Variants in TMC7 observed in about 807,000 individuals in gnomAD.
TMC7 encodes transmembrane channel like 7.
A neutral mutation model predicts 82.9 loss-of-function variants in TMC7; 54 were observed. That is an observed-to-expected ratio of 0.65 (90% CI 0.52 to 0.82). The LOEUF (loss-of-function observed/expected upper bound fraction) is 0.82. Among genes scored for constraint, TMC7 ranks in the 40% least tolerant of loss-of-function variants. The pLI, the probability that TMC7 is intolerant of heterozygous loss-of-function variation, is 0.00. For missense variants in TMC7, 820 were observed against 901.2 expected (o/e 0.91, Z 1.15); for synonymous variants, 350 against 337.9 (o/e 1.04, Z -0.39).
At chr16:19,033,405 G>C (rs187961208) in intron 6 of TMC7, 3 of 152,280 alleles carry the variant, frequency 2.0e-5, no homozygotes, top group African/African-American at 7.2e-5. Context: ...TTCTGGGTCA[G>C]GCCCGGTGGC....
At position 19,016,458 on chromosome 16, in the gene TMC7, A is replaced by C. The variant is rs752176889; in HGVS notation, c.320A>C (p.Gln107Pro). 3 of 1,614,002 alleles carry C rather than the reference A, an allele frequency of 1.9e-6. No homozygotes were observed. Among genetic ancestry groups the C allele is most frequent in the Admixed American group, 1.7e-5 (1 of 59,984 alleles). Residue 107 changes from glutamine to proline, a missense_variant, in exon 3 of 16, where the codon CAA becomes CCA. By Grantham distance (76) the Gln-to-Pro change is moderately conservative. Transcript: ENST00000304381. ...TCATGTTTTCCATGCAGGGACATTC[A>C]AGAGACACAAATGAAGTATCTCTCC... ...ISEKRRLRDI[Q>P]ETQMKYLSEW...
At chr16:19,008,268 C>T (rs1446190864) in intron 1 of TMC7, among the ~76,000 whole-genome samples, 1 of 152,210 alleles carries the variant, frequency 6.6e-6, no homozygotes, top group East Asian at 1.9e-4. Flanking sequence ...CCTGCCTTAG[C>T]CTGCTGCCCA....
chr16:19,001,793 C>T (rs1288128166), intron 1 of TMC7, among the ~76,000 whole-genome samples: 2 of 152,184 alleles, frequency 1.3e-5, no homozygotes, highest in Admixed American at 1.3e-4. Context: ...CTCATCAAAG[C>T]ACAGAGCAAG....
intron 13 of TMC7, among the ~76,000 whole-genome samples, chr16:19,053,376 C>G (rs1468306295): frequency 1.3e-5 from 2 of 150,512 alleles, no homozygotes; most frequent in East Asian, 3.9e-4. Context: ...ACATACTAAA[C>G]TCTTCTTTCA....
chr16:19,010,153 C>CCTCCCCTCCT (rs1263983560), intron 2 of TMC7, among the ~76,000 whole-genome samples: 1 of 140,242 alleles, frequency 7.1e-6, no homozygotes, highest in Non-Finnish European at 1.6e-5. Context: ...CCTCCCCTCC[C>CCTCCCCTCCT]CTCCTCTCCT....
In TMC7 at chr16:19,047,064, C is replaced by T. The variant is rs896797449; in HGVS notation, c.1555C>T (p.Leu519Phe). Residue 519 changes from leucine to phenylalanine, a missense_variant and splice_region_variant, in exon 12 of 16, where the codon CTC (leucine) becomes TTC (phenylalanine). Transcript: ENST00000304381. ...CAAATGAGAATTGTCTGTTTCCAGG[C>T]TCCTGGTGACCTACTGTTCCTCTTG... ...VTLFVDFPRKLLVTYCSSCKL... is the reference protein window; with the variant it reads ...VTLFVDFPRKFLVTYCSSCKL... 1.2e-6 allele frequency: 2 copies of T among 1,602,184 alleles called. No homozygotes were observed. The highest frequency in any genetic ancestry group is 2.7e-5 in the African/African-American group (2 of 74,426).
intron 1 of TMC7, among the ~76,000 whole-genome samples, chr16:18,991,791 T>C (rs2038956172): frequency 6.6e-6 from 1 of 152,128 alleles, no homozygotes; most frequent in African/African-American, 2.4e-5. Flanking sequence ...TGTGTCCAAG[T>C]GTTCTCATTG....
chr16:19,031,377 C>T (rs1033200602), intron 6 of TMC7, among the ~76,000 whole-genome samples: 1 of 152,174 alleles, frequency 6.6e-6, no homozygotes. Flanking sequence ...GGTCCTATGA[C>T]AACATGACTT....
chr16:19,046,768 G>A (rs1961291318), intron 11 of TMC7, among the ~76,000 whole-genome samples: 1 of 151,734 alleles, frequency 6.6e-6, no homozygotes, highest in African/African-American at 2.4e-5. Context: ...TGGAGGTCGA[G>A]GGTACAGTGA....
Position 19,045,394 on chromosome 16 carries a change from C to G in TMC7, c.1509C>G (p.Phe503Leu). Reference sequence around the variant, plus strand: ...TGTACAAGCTGATGATCTTCGACTTCATCATCATCTTGGCTGTGACACTCT... The same window carrying G: ...TGTACAAGCTGATGATCTTCGACTTGATCATCATCTTGGCTGTGACACTCT... ...QEMYKLMIFD[F>L]IIILAVTLFV... Residue 503 changes from phenylalanine (F) to leucine (L), a missense_variant, in exon 11 of 16, where the codon TTC (phenylalanine) becomes TTG (leucine). This residue lies in a region of TMC7 where 650 missense variants were observed against 669.9 expected (regional missense o/e 0.97). Coordinates refer to ENST00000304381, the MANE Select transcript of TMC7 (RefSeq NM_024847.4). The G allele has an allele frequency of 6.2e-7, 1 of 1,613,922 alleles. No homozygotes were observed. Among genetic ancestry groups the G allele is most frequent in the Non-Finnish European group, 8.5e-7 (1 of 1,179,990 alleles).
At chr16:19,054,217 T>C (rs1961666079) in intron 13 of TMC7, among the ~76,000 whole-genome samples, 1 of 152,194 alleles carries the variant, frequency 6.6e-6, no homozygotes. Flanking sequence ...ATTTTATTTT[T>C]TTCTCTCCTT....
intron 1 of TMC7, among the ~76,000 whole-genome samples, chr16:18,989,288 C>A (rs1003056090): frequency 1.4e-4 from 21 of 152,096 alleles, no homozygotes; most frequent in African/African-American, 4.1e-4. Flanking sequence ...AGGCTGGATT[C>A]GTTCTCTGGT....
intron 9 of TMC7, among the ~76,000 whole-genome samples, chr16:19,044,102 A>T (rs1467739382): frequency 6.6e-6 from 1 of 151,932 alleles, no homozygotes; most frequent in East Asian, 1.9e-4. Flanking sequence ...TCCTGACCTC[A>T]GGTGATCCCT....
At chr16:19,055,657 C>T (rs1018398340) in intron 13 of TMC7, among the ~76,000 whole-genome samples, 4 of 152,208 alleles carry the variant, frequency 2.6e-5, no homozygotes, top group African/African-American at 9.7e-5. Flanking sequence ...AAATAGTGAT[C>T]TTTCAAGTTT....
chr16:19,009,710 C>T (rs1032028691), intron 2 of TMC7, among the ~76,000 whole-genome samples: 2 of 151,874 alleles, frequency 1.3e-5, no homozygotes, highest in Non-Finnish European at 2.9e-5. Context: ...GAGGCTGAGG[C>T]GGGTGGATCA....
In TMC7 at chr16:19,037,868, C is replaced by T. The variant is rs755121364; in HGVS notation, c.1006-6C>T. The stretch of plus-strand genomic sequence containing the variant: ...TGCTCACAAGTGAATTTTCTTTTAT[C>T]TTCAGGCAGATCTGGAGGAAGAAAG... On this transcript the variant is annotated splice_polypyrimidine_tract_variant and splice_region_variant and intron_variant, in intron 7 of 15. Transcript: ENST00000304381. 4 of 1,610,152 alleles carry T rather than the reference C, an allele frequency of 2.5e-6. No homozygotes were observed. In the Admixed American group the frequency reaches 5.1e-5, roughly 20 times the overall value.
intron 12 of TMC7, among the ~76,000 whole-genome samples, chr16:19,050,687 GA>G (rs938215801): frequency 6.6e-6 from 1 of 151,992 alleles, no homozygotes; most frequent in Non-Finnish European, 1.5e-5. Context: ...TTTTAATAGA[GA>G]TGGGGTTTCA....
intron 2 of TMC7, among the ~76,000 whole-genome samples, chr16:19,009,905 C>A (rs1312784821): frequency 2.1e-5 from 3 of 145,828 alleles, no homozygotes; most frequent in African/African-American, 7.6e-5. Flanking sequence ...TGCGCCACTG[C>A]ACTCCAGCCT....
rs549489995 is a variant in TMC7 at position 19,021,641 on chromosome 16, C to G, written c.473C>G (p.Thr158Ser). Residue 158 changes from threonine to serine, a missense_variant, in exon 4 of 16, where the codon ACT becomes AGT. Transcript: ENST00000304381. Reference sequence around the variant, plus strand: ...TTGTTTTTTCCAGGGAAATTTGGCACTGGGATTCAGTCCTATTTCTCCTTC... The same window carrying G: ...TTGTTTTTTCCAGGGAAATTTGGCAGTGGGATTCAGTCCTATTTCTCCTTC... ...DIRSIEGKFG[T>S]GIQSYFSFLR... 2.5e-6 allele frequency: 4 copies of G among 1,613,908 alleles called. No homozygotes were observed. Among genetic ancestry groups the G allele is most frequent in the Non-Finnish European group, 3.4e-6 (4 of 1,180,002 alleles).
Sources: gnomAD v4.1 joint callset for allele counts (sites outside exome capture counted in the v4.1 genomes callset) on GRCh38, gnomAD v4.1.1 for gene constraint, gnomAD v4.1.1 regional missense constraint, MANE v1.5 for transcripts, NCBI Gene and HGNC (gene_info 2026-07-23, HGNC 2026-07-21) for gene names.